Variants in ACACB observed in about 807,000 individuals in gnomAD.
The protein encoded by ACACB is acetyl-CoA carboxylase 2.
Under a neutral mutation model 278.8 loss-of-function variants are expected in ACACB, and 209 were observed. That is an observed-to-expected ratio of 0.75 (90% confidence interval 0.67 to 0.84). The LOEUF (loss-of-function observed/expected upper bound fraction) is 0.84, where lower values mean the gene tolerates loss of function less well. ACACB is among the 40% of genes least tolerant of loss of function. The pLI is 0.00. For missense variants in ACACB, 2,850 were observed against 3,269.0 expected, an observed-to-expected ratio of 0.87 and a Z score of 3.13; for synonymous variants, 1,174 against 1,285.6, an observed-to-expected ratio of 0.91 and a Z score of 1.86.
In ACACB at chr12:109,216,911, C is replaced by T; in HGVS notation, c.3555C>T (p.Ile1185=). 2 of 1,613,362 alleles carry T rather than the reference C, an allele frequency of 1.2e-6. No homozygotes were observed. The highest frequency in any genetic ancestry group is 2.2e-5 in the East Asian group (1 of 44,880). The change falls in exon 24 of 53, where the codon ATC becomes ATT. Residue 1185 remains isoleucine (I), a synonymous_variant. Transcript: ENST00000338432. ...TGGCCAAGAAGAACCAGCTGGTGAT[C>T]ATGTTGATCGTAAGCAGGAAGAGGG... ...AQVAKKNQLV[I]MLIDELCGPD...
intron 1 of ACACB, among the ~76,000 whole-genome samples, chr12:109,126,275 A>G (rs532337759): frequency 1.4e-4 from 21 of 152,332 alleles, no homozygotes; most frequent in Non-Finnish European, 2.4e-4. Flanking sequence ...AGACTGCGGA[A>G]CATGTTTTCC....
Position 109,166,974 on chromosome 12 carries a change from G to A in ACACB, c.767G>A (p.Gly256Glu), listed in dbSNP as rs774568250. The change falls in exon 3 of 53, where the codon GGG becomes GAG. Residue 256 changes from glycine (G) to glutamate (E), a missense_variant. By Grantham distance (98) the Gly-to-Glu change is moderately conservative. Coordinates refer to ENST00000338432, the MANE Select transcript of ACACB (RefSeq NM_001093.4). Reference protein sequence around the residue: ...SPAEFVTRFGGDRVIEKVLIA... With the variant: ...SPAEFVTRFGEDRVIEKVLIA... ...GCTGAGTTTGTCACACGCTTTGGGG[G>A]GGATCGGGTCATCGAGAAGGTACAG... 8.1e-6 allele frequency: 13 copies of A among 1,614,060 alleles called. No individual in the cohort carries two copies. The highest frequency in any genetic ancestry group is 1.7e-6 in the Non-Finnish European group (2 of 1,180,018).
intron 17 of ACACB, among the ~76,000 whole-genome samples, chr12:109,198,028 G>A (rs1410707045): frequency 6.6e-6 from 1 of 152,000 alleles, no homozygotes; most frequent in African/African-American, 2.4e-5. Context: ...CCCCCAAGTT[G>A]CTGGGACTAC....
In ACACB at chr12:109,209,501, GA is replaced by G. The variant is rs893071706; in HGVS notation, c.3249+149del. The G allele has an allele frequency of 2.5e-5, 20 of 786,108 alleles. No individual in the cohort carries two copies. The African/African-American group carries it at 3.3e-4, about 13-fold the overall frequency. 48.7% of individuals were successfully genotyped at this position (786,108 alleles called of 1,614,324 possible). A position where few individuals can be genotyped will look rare whatever the true frequency, so the allele number is the denominator to read the frequency against. The stretch of plus-strand genomic sequence containing the variant: ...TATCAGGGGCCGAGGGTTTCCTTTT[GA>G]GCCTTGTCTGCAGAATCCTATCATT... On this transcript the variant is annotated intron_variant, in intron 21 of 52. Coordinates refer to ENST00000338432, the MANE Select transcript of ACACB (RefSeq NM_001093.4).
intron 2 of ACACB, among the ~76,000 whole-genome samples, chr12:109,140,628 G>A (rs1419302778): frequency 6.6e-6 from 1 of 152,152 alleles, no homozygotes; most frequent in Non-Finnish European, 1.5e-5. Flanking sequence ...CTGCACTCCA[G>A]CCTGGGTGAC....
At chr12:109,233,633 G>A in intron 29 of ACACB, 115 bp from the exon 30 acceptor site, 1 of 831,954 alleles carries the variant, frequency 1.2e-6, no homozygotes, top group East Asian at 2.5e-5. Context: ...AGATCAAAGG[G>A]TGTTGGCTGG....
At chr12:109,194,769 C>T (rs1246630409) in intron 16 of ACACB, among the ~76,000 whole-genome samples, 1 of 152,106 alleles carries the variant, frequency 6.6e-6, no homozygotes, top group Admixed American at 6.6e-5. Context: ...CTGCAGAGAC[C>T]TCATTCCAAA....
intron 39 of ACACB, 80 bp downstream of exon 39, chr12:109,246,528 G>A: frequency 2.6e-6 from 4 of 1,532,018 alleles, no homozygotes; most frequent in Admixed American, 1.9e-5. Context: ...GCACCTGCAA[G>A]AGGTGAAAAA....
intron 22 of ACACB, among the ~76,000 whole-genome samples, chr12:109,213,210 T>C (rs1481235304): frequency 1.3e-5 from 2 of 152,022 alleles, no homozygotes; most frequent in Non-Finnish European, 2.9e-5. Flanking sequence ...ATTACGGGCA[T>C]GTGCCACCAT....
intron 52 of ACACB, 60 bp from the exon 53 acceptor site, chr12:109,266,176 C>G: frequency 1.9e-6 from 3 of 1,580,084 alleles, no homozygotes; most frequent in Non-Finnish European, 2.6e-6. Flanking sequence ...CTCTGCCACC[C>G]TTGGGGCCAC....
intron 12 of ACACB, among the ~76,000 whole-genome samples, chr12:109,186,597 G>A (rs1184767775): frequency 6.6e-6 from 1 of 152,010 alleles, no homozygotes; most frequent in Admixed American, 6.6e-5. Context: ...CATGCATACC[G>A]ACCGTTGATT....
rs563577805 is a variant in ACACB, at chr12:109,214,824, G to A, written c.3351-1794G>A. 2.0e-5 allele frequency among the ~76,000 whole-genome samples: 3 copies of A among 152,276 alleles called. No homozygotes were observed. The East Asian group carries it at 5.8e-4, about 29-fold the overall frequency. On this transcript the variant is annotated intron_variant, in intron 22 of 52. Transcript: ENST00000338432. ...TTTGTTTTAAAAGAAGCGGCTAGGT[G>A]CGATGGCTCACACCTATAATCCCAG...
chr12:109,237,127 GTGTA>G, intron 33 of ACACB, 34 bp from the exon 34 acceptor site: 1 of 1,605,470 alleles, frequency 6.2e-7, no homozygotes, highest in Non-Finnish European at 8.5e-7. Flanking sequence ...CACGCTGTGT[GTGTA>G]TGTGTCTGTC....
At position 109,266,340 on chromosome 12, in the gene ACACB, T is replaced by C. The variant is rs1295815113; in HGVS notation, c.7355T>C (p.Met2452Thr). ...CAGGTCGTTCACCTGCTGTCTACCATGGACAGCCCGGCCTCCACCTGACCG... is the reference window on the plus strand; with the variant it reads ...CAGGTCGTTCACCTGCTGTCTACCACGGACAGCCCGGCCTCCACCTGACCG... ...RAQVVHLLST[M>T]DSPAST The change falls in exon 53 of 53, where the codon ATG becomes ACG. Residue 2452 changes from methionine to threonine, a missense_variant. Met to Thr is a moderately conservative substitution (Grantham distance 81). Around this residue, in one of 3 missense-constraint regions of ACACB, gnomAD observed 579 missense variants for 684.6 expected, o/e 0.85. Coordinates refer to ENST00000338432, the MANE Select transcript of ACACB (RefSeq NM_001093.4). The C allele has an allele frequency of 1.9e-6, 3 of 1,611,122 alleles. No individual in the cohort carries two copies. The highest frequency in any genetic ancestry group is 2.5e-6 in the Non-Finnish European group (3 of 1,179,602).
chr12:109,210,767 A>T (rs994843891), intron 21 of ACACB, among the ~76,000 whole-genome samples: 36 of 151,416 alleles, frequency 2.4e-4, no homozygotes, highest in African/African-American at 8.7e-4. Context: ...AAAAAAAATT[A>T]GCTGGGCGTG....
intron 27 of ACACB, among the ~76,000 whole-genome samples, chr12:109,226,302 A>G (rs1030215780): frequency 2.6e-5 from 4 of 152,144 alleles, no homozygotes; most frequent in Non-Finnish European, 5.9e-5. Flanking sequence ...AGTTACATAC[A>G]CAGCTTGTGT....
chr12:109,247,557 T>G (rs1213761508), intron 39 of ACACB, 49 bp from the exon 40 acceptor site: 2 of 1,387,130 alleles, frequency 1.4e-6, no homozygotes, highest in Non-Finnish European at 2.0e-6. Context: ...AAACAGTGGC[T>G]TTCAGTGCAG....
chr12:109,264,503 G>C, intron 50 of ACACB, 117 bp downstream of exon 50: 1 of 1,330,062 alleles, frequency 7.5e-7, no homozygotes, highest in South Asian at 1.3e-5. Flanking sequence ...GTCAAATGCT[G>C]CAGGAGGTGG....
chr12:109,185,767 C>T (rs775805762), intron 12 of ACACB, 27 bp downstream of exon 12: 4 of 1,589,882 alleles, frequency 2.5e-6, no homozygotes, highest in Non-Finnish European at 3.4e-6. Flanking sequence ...CCTGTGTTTC[C>T]ACCATCTCAG....
Sources: allele counts gnomAD v4.1 joint callset (sites outside exome capture counted in the v4.1 genomes callset), GRCh38; gene constraint gnomAD v4.1.1; regional missense constraint gnomAD v4.1.1; transcripts MANE v1.5; gene names NCBI Gene and HGNC (gene_info 2026-07-23, HGNC 2026-07-21).